Variants in TERF2 observed in about 807,000 individuals in gnomAD.
TERF2 encodes the protein telomeric repeat binding factor 2.
TERF2 carries 16 observed loss-of-function variants against 56.1 expected under a neutral mutation model. The observed-to-expected ratio is 0.29, with a 90% CI of 0.19 to 0.43. The LOEUF (loss-of-function observed/expected upper bound fraction) is 0.43. TERF2 is among the 20% of genes least tolerant of loss of function. The pLI is 1.00. For synonymous variants in TERF2, 296 were observed against 282.1 expected (o/e 1.05, Z -0.50); for missense variants, 547 against 712.9 (o/e 0.77, Z 2.65).
At chr16:69,366,534 C>A (rs1377957222) in intron 7 of TERF2, 1 of 429,278 alleles carries the variant, frequency 2.3e-6, no homozygotes, top group Admixed American at 3.8e-5. Flanking sequence ...CAGATGTTTG[C>A]TAAAAATGAA....
chr16:69,373,733 T>G (rs1325697019), intron 3 of TERF2, among the ~76,000 whole-genome samples: 1 of 152,022 alleles, frequency 6.6e-6, no homozygotes, highest in African/African-American at 2.4e-5. Flanking sequence ...CTCGGGAGGT[T>G]GAGGTAGGAG....
intron 3 of TERF2, among the ~76,000 whole-genome samples, chr16:69,383,936 G>A (rs1170507108): frequency 2.6e-5 from 4 of 152,126 alleles, no homozygotes; most frequent in African/African-American, 9.7e-5. Context: ...GGTTCCCACA[G>A]CCACTTCTAT....
chr16:69,384,178 C>A (rs930976706), intron 3 of TERF2, among the ~76,000 whole-genome samples: 1 of 152,186 alleles, frequency 6.6e-6, no homozygotes, highest in African/African-American at 2.4e-5. Flanking sequence ...CCTCTTTCTG[C>A]AGACAGAAAG....
chr16:69,363,700 G>C (rs1229579896), intron 7 of TERF2, among the ~76,000 whole-genome samples: 1 of 152,212 alleles, frequency 6.6e-6, no homozygotes, highest in Non-Finnish European at 1.5e-5. Flanking sequence ...TGGGAGCAGT[G>C]GCTCACGTCT....
At chr16:69,362,243 T>C (rs2013172350) in intron 7 of TERF2, among the ~76,000 whole-genome samples, 1 of 151,438 alleles carries the variant, frequency 6.6e-6, no homozygotes, top group African/African-American at 2.4e-5. Context: ...TGCTTGGGAG[T>C]CCCTTCCCTG....
chr16:69,380,255 G>A (rs1054381295), intron 3 of TERF2, among the ~76,000 whole-genome samples: 1 of 152,062 alleles, frequency 6.6e-6, no homozygotes, highest in African/African-American at 2.4e-5. Flanking sequence ...ATACACATAC[G>A]AAGCTGAAAA....
rs906226048 is a variant in TERF2 at position 69,356,725 on chromosome 16, G to A, written c.*173C>T. ...TGAGGCAGGAGAATGGCGTGAGCCC[G>A]GGAGACGGAGGTCGCAGTGAGCCGA... On this transcript the variant is annotated 3_prime_UTR_variant, in exon 10 of 10. Transcript: ENST00000254942. The A allele has an allele frequency of 3.2e-5, 21 of 653,458 alleles. No homozygotes were observed. Among genetic ancestry groups the A allele is most frequent in the African/African-American group, 9.3e-5 (5 of 53,606 alleles). The allele number at this position is 653,458 out of a possible 1,614,324, so 40.5% of individuals were successfully genotyped here.
intron 4 of TERF2, 58 bp downstream of exon 4, chr16:69,372,211 C>T: frequency 7.9e-7 from 1 of 1,268,250 alleles, no homozygotes; most frequent in Non-Finnish European, 1.1e-6. Flanking sequence ...TCCCTATTTC[C>T]CCACAAAAAG....
intron 3 of TERF2, among the ~76,000 whole-genome samples, chr16:69,374,986 CGTAA>C (rs902208652): frequency 3.9e-4 from 59 of 152,186 alleles, no homozygotes; most frequent in African/African-American, 1.2e-3. Context: ...ACAAAAAAGC[CGTAA>C]GTGTGTAGGA....
chr16:69,374,987 G>A (rs1409061095), intron 3 of TERF2, among the ~76,000 whole-genome samples: 4 of 151,970 alleles, frequency 2.6e-5, no homozygotes, highest in African/African-American at 4.8e-5. Context: ...CAAAAAAGCC[G>A]TAAGTGTGTA....
chr16:69,368,757 A>G (rs1241107137), intron 5 of TERF2, among the ~76,000 whole-genome samples: 1 of 152,060 alleles, frequency 6.6e-6, no homozygotes, highest in Non-Finnish European at 1.5e-5. Flanking sequence ...GCTCACTGCA[A>G]TCTCCACCTC....
chr16:69,378,953 G>T (rs1001158138), intron 3 of TERF2, among the ~76,000 whole-genome samples: 2 of 150,930 alleles, frequency 1.3e-5, no homozygotes, highest in African/African-American at 4.9e-5. Flanking sequence ...TTTCCTGTGG[G>T]GGGGGGGAAA....
At chr16:69,364,434 G>A (rs1385393950) in intron 7 of TERF2, among the ~76,000 whole-genome samples, 1 of 152,032 alleles carries the variant, frequency 6.6e-6, no homozygotes, top group Non-Finnish European at 1.5e-5. Flanking sequence ...CAGGAGCCTG[G>A]GAATATGTAT....
chr16:69,376,969 CGCAG>C (rs1484297026), intron 3 of TERF2, among the ~76,000 whole-genome samples: 1 of 151,526 alleles, frequency 6.6e-6, no homozygotes, highest in Non-Finnish European at 1.5e-5. Context: ...GGGAGGCCGA[CGCAG>C]GCGGATTGCC....
At chr16:69,357,482 A>G (rs751956115) in intron 9 of TERF2, 36 bp downstream of exon 9, 5 of 1,581,098 alleles carry the variant, frequency 3.2e-6, no homozygotes, top group Non-Finnish European at 4.3e-6. Flanking sequence ...TGCTCTACCC[A>G]CATAACCAGT....
At chr16:69,379,334 C>T (rs2142761230) in intron 3 of TERF2, among the ~76,000 whole-genome samples, 1 of 152,288 alleles carries the variant, frequency 6.6e-6, no homozygotes, top group East Asian at 1.9e-4. Flanking sequence ...TATACAAGCA[C>T]CCCAAATGGG....
chr16:69,370,021 T>C (rs2013505021), intron 5 of TERF2, among the ~76,000 whole-genome samples: 1 of 152,144 alleles, frequency 6.6e-6, no homozygotes, highest in African/African-American at 2.4e-5. Context: ...GTATCTCTGC[T>C]TTTGTATTAT....
At chr16:69,379,005 GAAGT>G (rs1206900790) in intron 3 of TERF2, among the ~76,000 whole-genome samples, 2 of 151,642 alleles carry the variant, frequency 1.3e-5, no homozygotes, top group Non-Finnish European at 2.9e-5. Flanking sequence ...GCAGTTCCCA[GAAGT>G]AAGTATAGTT....
intron 3 of TERF2, among the ~76,000 whole-genome samples, chr16:69,373,614 T>C (rs1252541668): frequency 1.3e-5 from 2 of 152,086 alleles, no homozygotes; most frequent in African/African-American, 4.8e-5. Context: ...GGAGGATCGC[T>C]TGAGCTCAGG....
Sources: allele counts gnomAD v4.1 joint callset (sites outside exome capture counted in the v4.1 genomes callset), GRCh38; gene constraint gnomAD v4.1.1; transcripts MANE v1.5; gene names NCBI Gene and HGNC (gene_info 2026-07-23, HGNC 2026-07-21).